Variants in TSHR observed in about 807,000 individuals in gnomAD.
TSHR encodes the protein thyrotropin receptor.
TSHR carries 51 observed loss-of-function variants against 64.1 expected under a neutral mutation model. The observed-to-expected ratio is 0.80, with a 90% CI of 0.64 to 1.01. The LOEUF (loss-of-function observed/expected upper bound fraction) is 1.01, where lower values mean the gene tolerates loss of function less well. TSHR is among the 50% of genes least tolerant of loss of function. The pLI, the probability that TSHR is intolerant of heterozygous loss-of-function variation, is 0.00. For missense variants in TSHR, 877 were observed against 942.8 expected (o/e 0.93, Z 0.91); for synonymous variants, 361 against 361.9 (o/e 1.00, Z 0.03).
At chr14:81,133,929 A>C (rs768899624) in intron 8 of TSHR, among the ~76,000 whole-genome samples, 4 of 152,184 alleles carry the variant, frequency 2.6e-5, no homozygotes, top group Non-Finnish European at 5.9e-5. Flanking sequence ...TAAAAATAAT[A>C]GCTAATATTT....
At chr14:80,979,894 C>T (rs939172654) in intron 1 of TSHR, among the ~76,000 whole-genome samples, 2 of 152,136 alleles carry the variant, frequency 1.3e-5, no homozygotes, top group African/African-American at 4.8e-5. Flanking sequence ...CTAAACACAG[C>T]AGTGAGGGTG....
Position 81,108,468 on chromosome 14 carries a change from A to C in TSHR, c.692+16A>C, listed in dbSNP as rs374007043. On this transcript the variant is annotated intron_variant, in intron 8 of 9. Transcript: ENST00000298171. ...CAAGCTTGCTGTGAGTAAGACATAC[A>C]AAAGAATATTTTAGTCTTTTTTTTT... 104 of 1,564,924 alleles carry C rather than the reference A, an allele frequency of 6.6e-5. No individual in the cohort carries two copies. Among genetic ancestry groups the C allele is most frequent in the Non-Finnish European group, 9.0e-5 (102 of 1,139,586 alleles).
At position 81,103,508 on chromosome 14, in the gene TSHR, A is replaced by C; in HGVS notation, c.615-4867A>C. On this transcript the variant is annotated intron_variant, in intron 7 of 9. Coordinates refer to ENST00000298171, the MANE Select transcript of TSHR (RefSeq NM_000369.5). The surrounding 1 kb of genome is among the most constrained non-coding windows in gnomAD (Gnocchi z 4.1). ...TAACTGAATAATACAATTACAGCCA[A>C]GCTGGACAAATTCCACATCGAGTGC... is the stretch of plus-strand genomic sequence containing the variant. 1 of 985,478 alleles carries C rather than the reference A, an allele frequency of 1.0e-6. No homozygotes were observed. The highest frequency in any genetic ancestry group is 4.7e-5 in the South Asian group (1 of 21,294). 61.0% of individuals were successfully genotyped at this position (985,478 alleles called of 1,614,324 possible).
chr14:80,985,293 T>C (rs1888385118), intron 1 of TSHR, among the ~76,000 whole-genome samples: 1 of 152,226 alleles, frequency 6.6e-6, no homozygotes, highest in African/African-American at 2.4e-5. Flanking sequence ...TTTTTCCTCC[T>C]TGCAAAATCA....
At chr14:81,081,947 G>T (rs1166097465) in intron 3 of TSHR, among the ~76,000 whole-genome samples, 2 of 151,730 alleles carry the variant, frequency 1.3e-5, no homozygotes, top group Admixed American at 6.6e-5. Flanking sequence ...CCATTTTTTT[G>T]AACTATAGGT....
chr14:80,975,752 A>G (rs1887834250), intron 1 of TSHR, among the ~76,000 whole-genome samples: 1 of 152,156 alleles, frequency 6.6e-6, no homozygotes, highest in Admixed American at 6.5e-5. Context: ...GTCACTGCTG[A>G]CTGCTTCCCT....
chr14:81,073,027 T>C lies in TSHR; in HGVS notation c.317+4699T>C. On this transcript the variant is annotated intron_variant, in intron 3 of 9. Coordinates refer to ENST00000298171, the MANE Select transcript of TSHR (RefSeq NM_000369.5). ...AAAAAAAAAATAAAAAATAAATATA[T>C]ATATATATATATATATATATATAAA... is the stretch of plus-strand genomic sequence containing the variant. Among the ~76,000 whole-genome samples the C allele has an allele frequency of 3.6e-5, 2 of 55,470 alleles. 1 individual carries two copies. Among genetic ancestry groups the C allele is most frequent in the Non-Finnish European group, 6.6e-5 (2 of 30,316 alleles). 36.4% of individuals were successfully genotyped at this position (55,470 alleles called of 152,430 possible).
At chr14:80,989,629 T>A (rs1888628419) in intron 1 of TSHR, among the ~76,000 whole-genome samples, 1 of 152,174 alleles carries the variant, frequency 6.6e-6, no homozygotes, top group South Asian at 2.1e-4. Context: ...TCAGATCAAA[T>A]GCCTTATTCT....
chr14:81,032,788 A>G (rs897965949), intron 1 of TSHR: 7 of 417,004 alleles, frequency 1.7e-5, no homozygotes, highest in Non-Finnish European at 3.3e-5. Context: ...ACATGGAAAA[A>G]TTTTCAGAAG....
At chr14:81,035,875 T>TAA (rs143170208) in intron 1 of TSHR, among the ~76,000 whole-genome samples, 6 of 139,676 alleles carry the variant, frequency 4.3e-5, no homozygotes, top group African/African-American at 1.3e-4. Context: ...TCAAAAAAAA[T>TAA]AAAAATAAAT....
chr14:81,033,240 C>T, intron 1 of TSHR: 1 of 476,450 alleles, frequency 2.1e-6, no homozygotes, highest in South Asian at 1.7e-5. Context: ...GGGGCCAGAG[C>T]ATCCACTACT....
intron 1 of TSHR, among the ~76,000 whole-genome samples, chr14:81,000,063 C>G (rs1194905657): frequency 2.6e-5 from 4 of 151,842 alleles, no homozygotes; most frequent in African/African-American, 9.7e-5. Flanking sequence ...TCCCGAGTAG[C>G]TGGGACTACA....
chr14:81,122,258 G>C (rs1890833892), intron 8 of TSHR, among the ~76,000 whole-genome samples: 2 of 151,342 alleles, frequency 1.3e-5, no homozygotes, highest in Non-Finnish European at 2.9e-5. Context: ...GGCCAGGCTG[G>C]TCTCGAACTC....
intron 1 of TSHR, chr14:81,053,002 A>G (rs994194966): frequency 6.6e-6 from 1 of 152,090 alleles, no homozygotes. Flanking sequence ...TCACATGATT[A>G]TGGAGGCTAA....
chr14:81,094,679 A>ACT (rs1889013983), intron 6 of TSHR, among the ~76,000 whole-genome samples: 1 of 76,242 alleles, frequency 1.3e-5, no homozygotes, highest in Non-Finnish European at 2.1e-5. Context: ...TATTTTTTTA[A>ACT]TTTTTTTTTT....
intron 1 of TSHR, among the ~76,000 whole-genome samples, chr14:80,988,170 C>A (rs1374771965): frequency 6.6e-6 from 1 of 152,162 alleles, no homozygotes; most frequent in African/African-American, 2.4e-5. Flanking sequence ...TTAAACAATA[C>A]TTAAATCCAC....
chr14:81,065,509 G>A (rs930184465), intron 2 of TSHR, among the ~76,000 whole-genome samples: 12 of 152,294 alleles, frequency 7.9e-5, no homozygotes, highest in African/African-American at 1.7e-4. Flanking sequence ...GGTTGACTGA[G>A]ATATAGGAGA....
intron 1 of TSHR, among the ~76,000 whole-genome samples, chr14:80,991,020 G>A (rs1303701483): frequency 2.0e-5 from 3 of 152,184 alleles, no homozygotes; most frequent in Non-Finnish European, 4.4e-5. Flanking sequence ...AATGATTAAA[G>A]TACAGCTTGA....
chr14:80,961,964 T>TGAAA (rs1342508375), intron 1 of TSHR, among the ~76,000 whole-genome samples: 1 of 152,190 alleles, frequency 6.6e-6, no homozygotes, highest in African/African-American at 2.4e-5. Flanking sequence ...AAACATCTAT[T>TGAAA]ATATTAAACT....
Sources: allele counts gnomAD v4.1 joint callset (sites outside exome capture counted in the v4.1 genomes callset), GRCh38; gene constraint gnomAD v4.1.1; non-coding constraint Gnocchi (gnomAD v3.1); transcripts MANE v1.5; gene names NCBI Gene and HGNC (gene_info 2026-07-23, HGNC 2026-07-21).